The following DENND2B variants were observed in gnomAD, a reference collection of about 807,000 sequenced individuals.
DENND2B encodes the protein DENN domain containing 2B.
Under a neutral mutation model 116.0 loss-of-function variants are expected in DENND2B, and 32 were observed. The ratio of observed to expected loss-of-function variants is 0.28; its 90% CI spans 0.21 to 0.37. The LOEUF (loss-of-function observed/expected upper bound fraction) is 0.37, where lower values mean the gene tolerates loss of function less well. Among genes scored for constraint, DENND2B ranks in the 10% least tolerant of loss-of-function variants. The pLI is 1.00. For missense variants in DENND2B, 1,276 were observed against 1,477.7 expected (o/e 0.86, Z 2.24); for synonymous variants, 588 against 583.9 (o/e 1.01, Z -0.10).
Position 8,810,615 on chromosome 11 carries a change from G to A in DENND2B, c.-124C>T, listed in dbSNP as rs2061304910. ...TCCACTGGCTTAAGCTCCGATACCT[G>A]CTGCGAGCTTCCCACAGCTCCTTCC... On this transcript the variant is annotated 5_prime_UTR_variant, in exon 1 of 20. Transcript: ENST00000313726. 1 of 152,302 alleles carries A rather than the reference G, an allele frequency of 6.6e-6. No individual in the cohort carries two copies. Among genetic ancestry groups the A allele is most frequent in the Non-Finnish European group, 1.5e-5 (1 of 68,090 alleles). 9.4% of individuals were successfully genotyped at this position (152,302 alleles called of 1,614,324 possible).
chr11:8,800,373 A>C (rs976170869), intron 1 of DENND2B, among the ~76,000 whole-genome samples: 1 of 152,174 alleles, frequency 6.6e-6, no homozygotes, highest in Non-Finnish European at 1.5e-5. Context: ...TCCACTAAGG[A>C]GTACGGGGCA....
chr11:8,877,850 AC>A (rs2063861038), intron 2 of DENND2B, among the ~76,000 whole-genome samples: 1 of 152,188 alleles, frequency 6.6e-6, no homozygotes, highest in Non-Finnish European at 1.5e-5. Flanking sequence ...ACATCACAAA[AC>A]TATTTTTGAC....
chr11:8,694,649 T>C (rs1326232188), intron 19 of DENND2B: 4 of 456,204 alleles, frequency 8.8e-6, no homozygotes, highest in African/African-American at 6.0e-5. Flanking sequence ...TCCATGTTTA[T>C]AGATTCAACC....
intron 1 of DENND2B, among the ~76,000 whole-genome samples, chr11:8,893,741 CAA>C (rs1216752125): frequency 6.6e-6 from 1 of 151,958 alleles, no homozygotes. Flanking sequence ...CTCAACGAAA[CAA>C]AAGAGGACAC....
At chr11:8,773,229 T>C (rs1443942856) in intron 1 of DENND2B, among the ~76,000 whole-genome samples, 5 of 151,948 alleles carry the variant, frequency 3.3e-5, no homozygotes, top group Non-Finnish European at 2.9e-5. Flanking sequence ...ACCAGCTACC[T>C]AGGGATATTC....
intron 2 of DENND2B, among the ~76,000 whole-genome samples, chr11:8,879,756 T>C (rs2063882248): frequency 6.6e-6 from 1 of 152,168 alleles, no homozygotes; most frequent in African/African-American, 2.4e-5. Flanking sequence ...TCAGAGTCTC[T>C]ATGCTAGGTA....
At chr11:8,804,968 T>C (rs374968929) in intron 1 of DENND2B, among the ~76,000 whole-genome samples, 42 of 152,346 alleles carry the variant, frequency 2.8e-4, no homozygotes, top group African/African-American at 4.6e-4. Context: ...CTGGAAAGCA[T>C]TGGACATTTA....
chr11:8,744,962 C>T (rs559755576), intron 2 of DENND2B, among the ~76,000 whole-genome samples: 2 of 151,686 alleles, frequency 1.3e-5, no homozygotes. Flanking sequence ...CAGTCTATGC[C>T]CAAGCTGAAG....
In DENND2B at chr11:8,791,715, G is replaced by T. The variant is rs1300094169; in HGVS notation, c.-26+18802C>A. On this transcript the variant is annotated intron_variant, in intron 1 of 19. Transcript: ENST00000313726. ...CTGGGAGGAGGAGGTTGCATGAGCT[G>T]AGATCATGCCACTGCACTCCAGCCT... Among the ~76,000 whole-genome samples, 4 of 151,384 alleles carry T rather than the reference G, an allele frequency of 2.6e-5. No homozygotes were observed. In the East Asian group the frequency reaches 7.8e-4, roughly 30 times the overall value.
chr11:8,702,803 C>T lies in DENND2B; in HGVS notation c.2572-83G>A, dbSNP rs1269485103. 5.9e-6 allele frequency: 9 copies of T among 1,532,144 alleles called. No individual in the cohort carries two copies. The African/African-American group carries it at 1.2e-4, about 21-fold the overall frequency. The allele number at this position is 1,532,144 out of a possible 1,614,324, so 94.9% of individuals were successfully genotyped here. A position where few individuals can be genotyped will look rare whatever the true frequency, so the allele number is the denominator to read the frequency against. The stretch of plus-strand genomic sequence containing the variant: ...GCCCTCCACGAAGCAACTGGAGCTG[C>T]TTTCCCCTTCCAACCTGCTCTTTTC... On this transcript the variant is annotated intron_variant, in intron 13 of 19. Transcript: ENST00000313726. The surrounding 1 kb of genome is among the most constrained non-coding windows in gnomAD (Gnocchi z 4.6).
At chr11:8,741,990 A>C (rs2050300349) in intron 2 of DENND2B, among the ~76,000 whole-genome samples, 1 of 152,220 alleles carries the variant, frequency 6.6e-6, no homozygotes, top group Admixed American at 6.5e-5. Flanking sequence ...TCTTGGGCTC[A>C]AGCGAGCCTC....
chr11:8,869,310 A>G (rs2134702965), intron 2 of DENND2B, among the ~76,000 whole-genome samples: 1 of 152,372 alleles, frequency 6.6e-6, no homozygotes, highest in East Asian at 1.9e-4. Flanking sequence ...AACATTTCCC[A>G]TACATACACT....
At chr11:8,723,867 G>T (rs2046614681) in intron 4 of DENND2B, among the ~76,000 whole-genome samples, 1 of 152,128 alleles carries the variant, frequency 6.6e-6, no homozygotes, top group South Asian at 2.1e-4. Flanking sequence ...CATACTATAC[G>T]CTCTGTTCCT....
chr11:8,711,513 A>G (rs2043678449), intron 9 of DENND2B, among the ~76,000 whole-genome samples: 2 of 152,128 alleles, frequency 1.3e-5, no homozygotes, highest in South Asian at 4.1e-4. Context: ...GACCTTACAC[A>G]TTCTCGTCAG....
At position 8,712,482 on chromosome 11, in the gene DENND2B, A is replaced by G; in HGVS notation, c.2172+69T>C. The G allele has an allele frequency of 2.7e-6, 4 of 1,468,176 alleles. No homozygotes were observed. The highest frequency in any genetic ancestry group is 3.7e-6 in the Non-Finnish European group (4 of 1,089,686). The allele number at this position is 1,468,176 out of a possible 1,614,324, so 90.9% of individuals were successfully genotyped here. On this transcript the variant is annotated intron_variant, in intron 9 of 19. Transcript: ENST00000313726. The surrounding 1 kb of genome is among the most constrained non-coding windows in gnomAD (Gnocchi z 4.4). ...ACGAACAAGATCTCTCTCCTTCCCC[A>G]GATAGGCCTGGCGGATAGAGGATGG...
intron 1 of DENND2B, among the ~76,000 whole-genome samples, chr11:8,752,942 A>C (rs1197707981): frequency 6.6e-6 from 1 of 152,180 alleles, no homozygotes; most frequent in African/African-American, 2.4e-5. Context: ...ATCAATATTA[A>C]AGATCAATTT....
rs565596470 is a variant in DENND2B, at chr11:8,797,437, C to G, written c.-26+13080G>C. ...TTCCTCATATTCTTATCCCCTTCCC[C>G]CTTCTTCCCCCTTCTTCCTCCTTCT... On this transcript the variant is annotated intron_variant, in intron 1 of 19. Transcript: ENST00000313726. 3.0e-5 allele frequency among the ~76,000 whole-genome samples: 4 copies of G among 134,262 alleles called. No individual in the cohort carries two copies. In the Admixed American group the frequency reaches 3.1e-4, roughly 10 times the overall value. 88.1% of individuals were successfully genotyped at this position (134,262 alleles called of 152,430 possible).
At chr11:8,829,177 G>A (rs964990149) in intron 4 of DENND2B, among the ~76,000 whole-genome samples, 1 of 151,788 alleles carries the variant, frequency 6.6e-6, no homozygotes, top group Non-Finnish European at 1.5e-5. Context: ...TGTGTGGTGT[G>A]TGTGGTGTTT....
In DENND2B at chr11:8,697,538, G is replaced by A. The variant is rs753003932; in HGVS notation, c.3039C>T (p.Ser1013=). ...CACTATTCTCACCATCGTCGGAGTCGCTGTCAGAGTCCTGGGAGATCAGCT... is the reference window on the plus strand; with the variant it reads ...CACTATTCTCACCATCGTCGGAGTCACTGTCAGAGTCCTGGGAGATCAGCT... ...KNELISQDSD[S]DSDDECNTLN... Residue 1013 remains serine (S), a synonymous_variant, in exon 17 of 20, where the codon AGC becomes AGT. Coordinates refer to ENST00000313726, the MANE Select transcript of DENND2B (RefSeq NM_213618.2). 32 of 1,613,678 alleles carry A rather than the reference G, an allele frequency of 2.0e-5. No homozygotes were observed. The highest frequency in any genetic ancestry group is 1.3e-4 in the African/African-American group (10 of 74,926).
Sources: allele counts gnomAD v4.1 joint callset (sites outside exome capture counted in the v4.1 genomes callset), GRCh38; gene constraint gnomAD v4.1.1; non-coding constraint Gnocchi (gnomAD v3.1); transcripts MANE v1.5; gene names NCBI Gene and HGNC (gene_info 2026-07-23, HGNC 2026-07-21).